The following SORBS3 variants were observed in gnomAD, a reference collection of about 807,000 sequenced individuals.
SORBS3 encodes the protein sorbin and SH3 domain containing 3.
Under a neutral mutation model 98.0 loss-of-function variants are expected in SORBS3, and 69 were observed. That is an observed-to-expected ratio of 0.70 (90% confidence interval 0.58 to 0.86). The LOEUF (loss-of-function observed/expected upper bound fraction) is 0.86. SORBS3 is among the 40% of genes least tolerant of loss of function. The pLI, the probability that SORBS3 is intolerant of heterozygous loss-of-function variation, is 0.00. For synonymous variants in SORBS3, 394 were observed against 355.4 expected (o/e 1.11, Z -1.22); for missense variants, 954 against 908.5 (o/e 1.05, Z -0.64).
Position 22,570,895 on chromosome 8 carries a change from C to A in SORBS3, c.1432-15C>A. ...ACCAGGAAGGCCCCACAGACACTGA[C>A]TTTTCCCCCCTCAGGGAGAGCACAT... On this transcript the variant is annotated splice_polypyrimidine_tract_variant and intron_variant, in intron 17 of 20. Transcript: ENST00000240123. 6.4e-7 allele frequency: 1 copy of A among 1,574,690 alleles called. No homozygotes were observed.
chr8:22,569,411 C>G, intron 17 of SORBS3, 138 bp downstream of exon 17: 1 of 707,228 alleles, frequency 1.4e-6, no homozygotes, highest in Non-Finnish European at 2.1e-6. Flanking sequence ...GCCATCTCGG[C>G]TCACTGCAAC....
chr8:22,556,800 C>A lies in SORBS3; in HGVS notation c.306C>A (p.Asn102Lys). 6.2e-7 allele frequency: 1 copy of A among 1,613,804 alleles called. No individual in the cohort carries two copies. Among genetic ancestry groups the A allele is most frequent in the South Asian group, 1.1e-5 (1 of 91,090 alleles). ...TCCCTGCCTCCCAGCACACCCAGAA[C>A]TGGTCAGCCACGTGGACCAAGGACA... ...TKIPASQHTQ[N>K]WSATWTKDSK... The change falls in exon 4 of 21, where the codon AAC (asparagine) becomes AAA (lysine). Residue 102 changes from asparagine (N) to lysine (K), a missense_variant. Coordinates refer to ENST00000240123, the MANE Select transcript of SORBS3 (RefSeq NM_005775.5).
intron 6 of SORBS3, 31 bp from the exon 7 acceptor site, chr8:22,561,834 T>C (rs781253265): frequency 6.2e-7 from 1 of 1,605,046 alleles, no homozygotes; most frequent in South Asian, 1.1e-5. Flanking sequence ...CCTCCCACCT[T>C]CAATGCTTTC....
Position 22,571,771 on chromosome 8 carries a change from C to G in SORBS3, c.1797C>G (p.Pro599=). The G allele has an allele frequency of 6.2e-7, 1 of 1,614,034 alleles. No individual in the cohort carries two copies. The highest frequency in any genetic ancestry group is 8.5e-7 in the Non-Finnish European group (1 of 1,179,974). The change falls in exon 19 of 21, where the codon CCC becomes CCG. Residue 599 remains proline (P), a synonymous_variant. Transcript: ENST00000240123. ...CCCACTCTCGAGGTCCCAGCCATCC[C>G]CTGGACCTGGGGACCTCCTCTCCTA... ...ALSHSRGPSH[P]LDLGTSSPNT...
chr8:22,566,749 G>C lies in SORBS3; in HGVS notation c.1143+36G>C, dbSNP rs766856937. 6 of 1,613,490 alleles carry C rather than the reference G, an allele frequency of 3.7e-6. No individual in the cohort carries two copies. In the East Asian group the frequency reaches 1.3e-4, roughly 36 times the overall value. On this transcript the variant is annotated intron_variant, in intron 14 of 20. Coordinates refer to ENST00000240123, the MANE Select transcript of SORBS3 (RefSeq NM_005775.5). ...GACCAGGTGTGGGGGACCTGGAGTG[G>C]TCCCAAGGCTGCCATCCTGGATCTG...
In SORBS3 at chr8:22,566,346, C is replaced by G; in HGVS notation, c.952C>G (p.Pro318Ala). Reference protein sequence around the residue: ...RAPEQRPPAGPASAWSSSYPH... With the variant: ...RAPEQRPPAGAASAWSSSYPH... ...GCTCAGTCTCTGTGCCCCGTGCAGC[C>G]CGGCCTCAGCCTGGAGCTCCAGCTA... The change falls in exon 13 of 21, where the codon CCG becomes GCG. Residue 318 changes from proline (P) to alanine (A), a missense_variant and splice_region_variant. Physicochemically the swap from Pro to Ala is conservative, Grantham distance 27. Transcript: ENST00000240123. The G allele has an allele frequency of 2.5e-6, 4 of 1,613,110 alleles. No individual in the cohort carries two copies. Among genetic ancestry groups the G allele is most frequent in the Non-Finnish European group, 3.4e-6 (4 of 1,179,656 alleles).
intron 1 of SORBS3, among the ~76,000 whole-genome samples, chr8:22,546,700 CTAA>C (rs1486841067): frequency 7.9e-5 from 12 of 152,176 alleles, no homozygotes; most frequent in Non-Finnish European, 1.5e-5. Context: ...GCATGTGATC[CTAA>C]TAATAGACAT....
rs540323687 is a variant in SORBS3, at chr8:22,574,634, T to C, written c.1955-33T>C. On this transcript the variant is annotated intron_variant, in intron 20 of 20. Coordinates refer to ENST00000240123, the MANE Select transcript of SORBS3 (RefSeq NM_005775.5). ...CCTGCATCCCTGTTAAAGAAGGGAG[T>C]GGGGAAAGCTCTTCCTGCCTTTCCT... 2.5e-6 allele frequency: 4 copies of C among 1,606,238 alleles called. 1 individual carries two copies. The African/African-American group carries it at 4.0e-5, about 16-fold the overall frequency.
At chr8:22,569,745 T>G (rs1348698304) in intron 17 of SORBS3, among the ~76,000 whole-genome samples, 2 of 152,136 alleles carry the variant, frequency 1.3e-5, no homozygotes, top group Admixed American at 1.3e-4. Context: ...TGGCTTTTTT[T>G]TGCTTTTTTT....
At chr8:22,566,545 C>T in intron 13 of SORBS3, 61 bp downstream of exon 13, 1 of 1,591,824 alleles carries the variant, frequency 6.3e-7, no homozygotes, top group Non-Finnish European at 8.6e-7. Flanking sequence ...CATGTTGGTG[C>T]CCCAGGGGTG....
upstream of SORBS3, chr8:22,550,052 C>G: frequency 1.0e-6 from 1 of 982,226 alleles, no homozygotes; most frequent in Non-Finnish European, 1.2e-6. Flanking sequence ...CCCAAGGACC[C>G]TGACAGGTGG....
intron 5 of SORBS3, 82 bp from the exon 6 acceptor site, chr8:22,561,253 G>A (rs1840288487): frequency 4.4e-6 from 6 of 1,354,400 alleles, no homozygotes; most frequent in Non-Finnish European, 6.1e-6. Context: ...AGGGATGTTG[G>A]GAGCGGCTGA....
intron 1 of SORBS3, among the ~76,000 whole-genome samples, chr8:22,553,874 G>A (rs1282291408): frequency 2.6e-5 from 4 of 152,040 alleles, no homozygotes; most frequent in Admixed American, 2.0e-4. Flanking sequence ...CTGTGAGCTC[G>A]CAAGAGTGGG....
rs1267054722 is a variant in SORBS3, at chr8:22,571,749, ACT to A, written c.1779_1780del (p.Gly595SerfsTer13). The A allele has an allele frequency of 6.2e-7, 1 of 1,612,630 alleles. No individual in the cohort carries two copies. Among genetic ancestry groups the A allele is most frequent in the Non-Finnish European group, 8.5e-7 (1 of 1,179,632 alleles). ...GGCACCCCTGGTCCAGCTCTGTCCC[ACT>A]CTCGAGGTCCCAGCCATCCCCTGGA... is the stretch of plus-strand genomic sequence containing the variant. On this transcript the variant is annotated frameshift_variant, in exon 19 of 21. Transcript: ENST00000240123. LOFTEE classifies it high-confidence loss of function.
chr8:22,564,920 A>C, intron 10 of SORBS3: 1 of 1,291,450 alleles, frequency 7.7e-7, no homozygotes, highest in Non-Finnish European at 9.9e-7. Flanking sequence ...GGATGGGCAC[A>C]GTGAAGCCAG....
chr8:22,574,666 G>A lies in SORBS3; in HGVS notation c.1955-1G>A, dbSNP rs1840682618. The A allele has an allele frequency of 1.9e-6, 3 of 1,612,728 alleles. No individual in the cohort carries two copies. The highest frequency in any genetic ancestry group is 2.5e-6 in the Non-Finnish European group (3 of 1,179,344). Reference sequence around the variant, plus strand: ...AGCTCTTCCTGCCTTTCCTCTTTCAGGTGTCTCCCGGAGGACCCAGAAATT... The same window carrying A: ...AGCTCTTCCTGCCTTTCCTCTTTCAAGTGTCTCCCGGAGGACCCAGAAATT... On this transcript the variant is annotated splice_acceptor_variant, in intron 20 of 20. Transcript: ENST00000240123. LOFTEE classifies it high-confidence loss of function.
At chr8:22,556,675 C>A in intron 3 of SORBS3, 40 bp from the exon 4 acceptor site, 2 of 1,592,906 alleles carry the variant, frequency 1.3e-6, no homozygotes, top group Non-Finnish European at 1.7e-6. Flanking sequence ...AGGTGGAGAC[C>A]CCTGCCTTTC....
intron 10 of SORBS3, chr8:22,564,930 G>A (rs1586899481): frequency 8.5e-6 from 11 of 1,298,252 alleles, no homozygotes; most frequent in Non-Finnish European, 1.1e-5. Context: ...AGTGAAGCCA[G>A]GCCTTGGAGG....
chr8:22,572,375 A>C lies in SORBS3; in HGVS notation c.1883A>C (p.Glu628Ala), dbSNP rs1371259198. 10 of 1,614,084 alleles carry C rather than the reference A, an allele frequency of 6.2e-6. No individual in the cohort carries two copies. Among genetic ancestry groups the C allele is most frequent in the Non-Finnish European group, 8.5e-6 (10 of 1,179,972 alleles). ...RAMYQYRPQNEDELELREGDR... is the reference protein window; with the variant it reads ...RAMYQYRPQNADELELREGDR... ...ATGTACCAGTACAGGCCCCAGAACG[A>C]AGACGAGCTGGAGCTGCGCGAGGGG... The change falls in exon 20 of 21, where the codon GAA (glutamate) becomes GCA (alanine). Residue 628 changes from glutamate (E) to alanine (A), a missense_variant. Glu to Ala is a moderately radical substitution (Grantham distance 107). Transcript: ENST00000240123.
Sources: allele counts gnomAD v4.1 joint callset (sites outside exome capture counted in the v4.1 genomes callset), GRCh38; gene constraint gnomAD v4.1.1; transcripts MANE v1.5; gene names NCBI Gene and HGNC (gene_info 2026-07-23, HGNC 2026-07-21).